Variants in DCAF5 observed in about 807,000 individuals in gnomAD.
DCAF5 encodes the protein DDB1 and CUL4 associated factor 5.
DCAF5 carries 9 observed loss-of-function variants against 80.7 expected under a neutral mutation model. That is an observed-to-expected ratio of 0.11 (90% CI 0.07 to 0.19). DCAF5 has a LOEUF of 0.19. Ranked by LOEUF, DCAF5 falls within the 10% of genes least tolerant of loss-of-function variation. The probability of loss-of-function intolerance (pLI) is 1.00; values close to 1 mark genes in which losing one functional copy is unlikely to be tolerated. For synonymous variants in DCAF5, 433 were observed against 461.9 expected (o/e 0.94, Z 0.80); for missense variants, 842 against 1,205.7 (o/e 0.70, Z 4.47).
Position 69,053,959 on chromosome 14 carries a change from A to G in DCAF5, c.2727T>C (p.Ser909=), listed in dbSNP as rs746044894. The change falls in exon 9 of 9, where the codon AGT becomes AGC. Residue 909 remains serine, a synonymous_variant. Coordinates refer to ENST00000341516, the MANE Select transcript of DCAF5 (RefSeq NM_003861.3). Reference sequence around the variant, plus strand: ...CACTGTGGCCATGAACAGCCCTGCTACTATCTGTGGCTGGGGTGTCAGTGG... The same window carrying G: ...CACTGTGGCCATGAACAGCCCTGCTGCTATCTGTGGCTGGGGTGTCAGTGG... ...EDPTDTPATD[S]SRAVHGHSGL... 9 of 1,613,284 alleles carry G rather than the reference A, an allele frequency of 5.6e-6. No homozygotes were observed. Among genetic ancestry groups the G allele is most frequent in the Non-Finnish European group, 7.6e-6 (9 of 1,179,616 alleles).
intron 6 of DCAF5, among the ~76,000 whole-genome samples, chr14:69,081,818 T>C (rs1406507528): frequency 6.6e-6 from 1 of 152,192 alleles, no homozygotes; most frequent in African/African-American, 2.4e-5. Context: ...TTCTCCAACA[T>C]CTGTTGATGA....
chr14:69,058,430 A>G (rs1025788223), intron 8 of DCAF5, among the ~76,000 whole-genome samples: 2 of 151,736 alleles, frequency 1.3e-5, no homozygotes, highest in African/African-American at 4.8e-5. Flanking sequence ...GAGGCAGGAG[A>G]ATTGCTTGAA....
At chr14:69,146,362 C>A (rs2041537452) in intron 1 of DCAF5, among the ~76,000 whole-genome samples, 1 of 152,150 alleles carries the variant, frequency 6.6e-6, no homozygotes, top group Non-Finnish European at 1.5e-5. Flanking sequence ...AATTTGCCAA[C>A]CTTTGATAGG....
intron 6 of DCAF5, chr14:69,085,127 T>TG: frequency 2.5e-6 from 2 of 785,688 alleles, no homozygotes. Flanking sequence ...AGGAAGCATA[T>TG]AAATCATACA....
chr14:69,102,678 C>T (rs935758588), intron 5 of DCAF5, among the ~76,000 whole-genome samples: 2 of 150,096 alleles, frequency 1.3e-5, no homozygotes, highest in East Asian at 2.0e-4. Flanking sequence ...TCTACCTTCA[C>T]ATCTGTTCTA....
chr14:69,118,094 A>G lies in DCAF5; in HGVS notation c.535+45T>C. ...TTGGATCTTCAATGAATCTGACATC[A>G]AACTGTTCAACACAGTCCAACAGTC... On this transcript the variant is annotated intron_variant, in intron 4 of 8. Coordinates refer to ENST00000341516, the MANE Select transcript of DCAF5 (RefSeq NM_003861.3). The surrounding 1 kb of genome is among the most constrained non-coding windows in gnomAD (Gnocchi z 4.0). 1 of 1,606,666 alleles carries G rather than the reference A, an allele frequency of 6.2e-7. No homozygotes were observed. Among genetic ancestry groups the G allele is most frequent in the Non-Finnish European group, 8.5e-7 (1 of 1,174,304 alleles).
At chr14:69,126,316 C>T (rs774508458) in intron 1 of DCAF5, among the ~76,000 whole-genome samples, 43 of 151,970 alleles carry the variant, frequency 2.8e-4, no homozygotes, top group Non-Finnish European at 5.9e-4. Flanking sequence ...CACCACCACG[C>T]CCAGCTCATT....
chr14:69,070,956 C>T (rs893180332), intron 7 of DCAF5, among the ~76,000 whole-genome samples: 1 of 152,072 alleles, frequency 6.6e-6, no homozygotes, highest in Non-Finnish European at 1.5e-5. Flanking sequence ...CACCACTACA[C>T]CTGGCTAATT....
At position 69,091,150 on chromosome 14, in the gene DCAF5, T is replaced by C. The variant is rs777617289; in HGVS notation, c.879+524A>G. The C allele has an allele frequency of 1.3e-5, 10 of 743,572 alleles. No homozygotes were observed. In the Admixed American group the frequency reaches 1.8e-4, roughly 13 times the overall value. The allele number at this position is 743,572 out of a possible 1,614,324, so 46.1% of individuals were successfully genotyped here. A position where few individuals can be genotyped will look rare whatever the true frequency, so the allele number is the denominator to read the frequency against. ...ACAGCTTGGGCTCTCCATTTCCAGT[T>C]GTGATGCTGGCAGTAAAAAGAAAAA... On this transcript the variant is annotated intron_variant, in intron 6 of 8. Transcript: ENST00000341516.
At chr14:69,063,724 GC>G (rs1193464673) in intron 7 of DCAF5, among the ~76,000 whole-genome samples, 3 of 152,164 alleles carry the variant, frequency 2.0e-5, no homozygotes, top group Non-Finnish European at 2.9e-5. Context: ...GGTATCTTCT[GC>G]TTTTGGCCCC....
chr14:69,077,361 G>A (rs1303712840), intron 6 of DCAF5, among the ~76,000 whole-genome samples: 1 of 92,412 alleles, frequency 1.1e-5, no homozygotes, highest in East Asian at 2.7e-4. Context: ...ACCACGACAT[G>A]TAGCTTATTT....
Position 69,152,711 on chromosome 14 carries a change from G to T in DCAF5, c.214+54C>A. 1 of 1,394,742 alleles carries T rather than the reference G, an allele frequency of 7.2e-7. No homozygotes were observed. Among genetic ancestry groups the T allele is most frequent in the Non-Finnish European group, 9.9e-7 (1 of 1,013,752 alleles). 86.4% of individuals were successfully genotyped at this position (1,394,742 alleles called of 1,614,324 possible). ...GGAGGGTGACGGGGGAGAGCGAGAGGGGGAGGCTGGGAGGGTGCGGGGAGG... is the reference window on the plus strand; with the variant it reads ...GGAGGGTGACGGGGGAGAGCGAGAGTGGGAGGCTGGGAGGGTGCGGGGAGG... On this transcript the variant is annotated intron_variant, in intron 1 of 8. Transcript: ENST00000341516. The surrounding 1 kb of genome is among the most constrained non-coding windows in gnomAD (Gnocchi z 4.1).
intron 7 of DCAF5, among the ~76,000 whole-genome samples, chr14:69,074,671 T>C (rs959026342): frequency 6.6e-6 from 1 of 152,070 alleles, no homozygotes; most frequent in African/African-American, 2.4e-5. Flanking sequence ...TACCAACTGT[T>C]TGTAGAATAA....
chr14:69,095,027 A>C lies in DCAF5; in HGVS notation c.666-3140T>G, dbSNP rs1200266016. ...AAAGTCAATGAAAAGCTAACCATAC[A>C]ACATGGCACTTTTTATGGTCTCATG... On this transcript the variant is annotated intron_variant, in intron 5 of 8. Transcript: ENST00000341516. Among the ~76,000 whole-genome samples, 3 of 152,190 alleles carry C rather than the reference A, an allele frequency of 2.0e-5. No individual in the cohort carries two copies. The East Asian group carries it at 5.8e-4, about 29-fold the overall frequency.
At chr14:69,108,180 A>G (rs2040229854) in intron 5 of DCAF5, among the ~76,000 whole-genome samples, 1 of 152,238 alleles carries the variant, frequency 6.6e-6, no homozygotes, top group Admixed American at 6.5e-5. Flanking sequence ...TCTAGAAGTT[A>G]GGGACAGCTG....
At chr14:69,058,743 T>C (rs1276349636) in intron 8 of DCAF5, among the ~76,000 whole-genome samples, 1 of 150,906 alleles carries the variant, frequency 6.6e-6, no homozygotes, top group African/African-American at 2.4e-5. Context: ...AGTGGTGGTG[T>C]ACACCTGAAG....
intron 6 of DCAF5, among the ~76,000 whole-genome samples, chr14:69,076,188 G>T (rs973827103): frequency 6.6e-6 from 1 of 152,102 alleles, no homozygotes; most frequent in African/African-American, 2.4e-5. Context: ...TTGCTGGTGG[G>T]AATGACTAAC....
chr14:69,151,599 C>A (rs1045802240), intron 1 of DCAF5, among the ~76,000 whole-genome samples: 1 of 152,186 alleles, frequency 6.6e-6, no homozygotes, highest in Admixed American at 6.5e-5. Flanking sequence ...GTCTTCACCC[C>A]CCCTCCCCTG....
At chr14:69,071,618 G>A (rs975714046) in intron 7 of DCAF5, among the ~76,000 whole-genome samples, 16 of 152,124 alleles carry the variant, frequency 1.1e-4, no homozygotes, top group South Asian at 2.1e-4. Flanking sequence ...GGGGAAGAGG[G>A]AGAGAGAGAG....
Sources: gnomAD v4.1 joint callset for allele counts (sites outside exome capture counted in the v4.1 genomes callset) on GRCh38, gnomAD v4.1.1 for gene constraint, Gnocchi (gnomAD v3.1) non-coding constraint, MANE v1.5 for transcripts, NCBI Gene and HGNC (gene_info 2026-07-23, HGNC 2026-07-21) for gene names.